Variants in BMAL2 observed in about 807,000 individuals in gnomAD.
BMAL2 encodes basic helix-loop-helix ARNT-like protein 2.
chr12:27,360,824 A>AAAAAAAAAAAAAAAAAAAAAAAAAAAC, the BMAL2 span, among the ~76,000 whole-genome samples: 1 of 149,678 alleles, frequency 6.7e-6, no homozygotes, highest in Non-Finnish European at 1.5e-5. Flanking sequence ...AAAAAAAAAA[A>AAAAAAAAAAAAAAAAAAAAAAAAAAAC]ACAGTACTAA....
chr12:27,366,840 A>G, the BMAL2 span, among the ~76,000 whole-genome samples: 167 of 152,370 alleles, frequency 1.1e-3, no homozygotes, highest in African/African-American at 3.8e-3. Context: ...ACACAGCTAC[A>G]TGACAGTGTA....
At chr12:27,378,037 T>TA in the BMAL2 span, among the ~76,000 whole-genome samples, 1 of 152,202 alleles carries the variant, frequency 6.6e-6, no homozygotes, top group African/African-American at 2.4e-5. Context: ...GTCTCCCACT[T>TA]ACCCTCTTTC....
the BMAL2 span, among the ~76,000 whole-genome samples, chr12:27,378,018 A>G: frequency 2.5e-3 from 387 of 152,280 alleles, 3 homozygotes; most frequent in African/African-American, 8.9e-3. Flanking sequence ...ATAAAAACAG[A>G]TCAGGGAAGT....
the BMAL2 span, chr12:27,420,865 G>T: frequency 5.4e-6 from 1 of 184,152 alleles, no homozygotes; most frequent in South Asian, 1.7e-4. Flanking sequence ...TTTTAGTTGA[G>T]GTAATGTAAT....
the BMAL2 span, among the ~76,000 whole-genome samples, chr12:27,342,859 C>A: frequency 5.3e-5 from 8 of 152,318 alleles, no homozygotes; most frequent in Non-Finnish European, 1.0e-4. Context: ...TTCTTTAGGA[C>A]AATTCTCCTT....
the BMAL2 span, chr12:27,385,483 T>C: frequency 6.2e-7 from 1 of 1,603,132 alleles, no homozygotes; most frequent in Non-Finnish European, 8.5e-7. Context: ...CTTTTTAGGC[T>C]TGACAAATTC....
chr12:27,416,113 A>G, the BMAL2 span, among the ~76,000 whole-genome samples: 3 of 152,206 alleles, frequency 2.0e-5, no homozygotes, highest in Non-Finnish European at 2.9e-5. Flanking sequence ...GTAGTTAAGA[A>G]TGAAGTTGCT....
At chr12:27,346,395 G>A in the BMAL2 span, among the ~76,000 whole-genome samples, 1 of 152,064 alleles carries the variant, frequency 6.6e-6, no homozygotes, top group Non-Finnish European at 1.5e-5. Flanking sequence ...TGAGTAGCTG[G>A]GACTACAGGT....
the BMAL2 span, among the ~76,000 whole-genome samples, chr12:27,410,261 T>A: frequency 1.3e-5 from 2 of 152,300 alleles, no homozygotes; most frequent in East Asian, 3.9e-4. Context: ...ACCCGAAGGA[T>A]TATAAATTAT....
the BMAL2 span, among the ~76,000 whole-genome samples, chr12:27,414,337 G>A: frequency 5.3e-5 from 8 of 152,122 alleles, no homozygotes; most frequent in African/African-American, 1.9e-4. Context: ...TCCATCTGAT[G>A]GCAGCAGAAT....
the BMAL2 span, among the ~76,000 whole-genome samples, chr12:27,406,431 C>T: frequency 6.6e-6 from 1 of 152,118 alleles, no homozygotes. Flanking sequence ...AGAGTGGGGG[C>T]CAATATTCAA....
the BMAL2 span, among the ~76,000 whole-genome samples, chr12:27,414,995 CTCTTATGTGCAGAA>C: frequency 6.6e-6 from 1 of 152,026 alleles, no homozygotes; most frequent in East Asian, 1.9e-4. Context: ...TGCATCATCT[CTCTTATGTGCAGAA>C]TCTTAGAAAA....
the BMAL2 span, among the ~76,000 whole-genome samples, chr12:27,378,523 A>G: frequency 6.6e-6 from 1 of 152,204 alleles, no homozygotes; most frequent in Admixed American, 6.5e-5. Flanking sequence ...TGTGAGGATG[A>G]GCAAGTCTTC....
chr12:27,347,854 A>G, the BMAL2 span, among the ~76,000 whole-genome samples: 6 of 152,238 alleles, frequency 3.9e-5, no homozygotes, highest in Non-Finnish European at 5.9e-5. Context: ...TACACAGTCC[A>G]GTATGAGCAA....
At chr12:27,363,078 G>A in the BMAL2 span, among the ~76,000 whole-genome samples, 1 of 152,136 alleles carries the variant, frequency 6.6e-6, no homozygotes. Flanking sequence ...TCTTCATGCT[G>A]GGATTACAGG....
chr12:27,363,753 TTTGTGGC>T, the BMAL2 span, among the ~76,000 whole-genome samples: 1 of 152,212 alleles, frequency 6.6e-6, no homozygotes, highest in African/African-American at 2.4e-5. Flanking sequence ...CTTTTCCCAG[TTTGTGGC>T]TTGTGGTTTC....
At chr12:27,379,453 T>C in the BMAL2 span, among the ~76,000 whole-genome samples, 4 of 152,094 alleles carry the variant, frequency 2.6e-5, no homozygotes, top group Non-Finnish European at 5.9e-5. Context: ...GCAGGGAATC[T>C]TAGTGCACAC....
chr12:27,376,338 T>C, the BMAL2 span: 1 of 1,612,922 alleles, frequency 6.2e-7, no homozygotes, highest in Non-Finnish European at 8.5e-7. Flanking sequence ...TATCCTGCTT[T>C]TTTGTAGAGT....
chr12:27,415,869 G>A, the BMAL2 span: 1 of 1,597,170 alleles, frequency 6.3e-7, no homozygotes, highest in East Asian at 2.2e-5. Flanking sequence ...CTTTTTAAAG[G>A]TTACAGTCTT....
Sources: gnomAD v4.1 joint callset for allele counts (sites outside exome capture counted in the v4.1 genomes callset) on GRCh38, gnomAD v4.1.1 for gene constraint, MANE v1.5 for transcripts, NCBI Gene and HGNC (gene_info 2026-07-23, HGNC 2026-07-21) for gene names.